Variants in RTEL1 observed in about 807,000 individuals in gnomAD.
RTEL1 encodes the protein regulator of telomere elongation helicase 1, also known as regulator of telomere length.
In RTEL1, 86 loss-of-function variants were observed where a neutral mutation model predicts 162.2. The ratio of observed to expected loss-of-function variants is 0.53; its 90% CI spans 0.45 to 0.63. The LOEUF is 0.63. Among genes scored for constraint, RTEL1 ranks in the 30% least tolerant of loss-of-function variants. The probability of loss-of-function intolerance (pLI) is 0.00; values close to 1 mark genes in which losing one functional copy is unlikely to be tolerated. For synonymous variants in RTEL1, 958 were observed against 717.9 expected (o/e 1.33, Z -5.35); for missense variants, 1,941 against 1,750.2 (o/e 1.11, Z -1.95).
In RTEL1 at chr20:63,694,819, ACCTGGCTGAT is replaced by A; in HGVS notation, c.3189_3198del (p.Tyr1063Ter). On this transcript the variant is annotated frameshift_variant, in exon 32 of 35. Coordinates refer to ENST00000360203, the MANE Select transcript of RTEL1 (RefSeq NM_001283009.2). LOFTEE classifies it high-confidence loss of function. ...CAGGGCCAGCACGCCGTGAGCGCCT[ACCTGGCTGAT>A]GCCCGCAGGGCCCTGGGGTCCGCGG... The A allele has an allele frequency of 6.2e-7, 1 of 1,612,498 alleles. No homozygotes were observed. Among genetic ancestry groups the A allele is most frequent in the Non-Finnish European group, 8.5e-7 (1 of 1,179,790 alleles).
In RTEL1 at chr20:63,693,190, G is replaced by A. The variant is rs149537474; in HGVS notation, c.2899G>A (p.Val967Ile). ...RPHHKQQFEE[V>I]CIQLTGRGCG... The stretch of plus-strand genomic sequence containing the variant: ...CCACCATAAGCAGCAGTTTGAGGAG[G>A]TCTGTATCCAGCTGACAGGACGAGG... Residue 967 changes from valine (V) to isoleucine (I), a missense_variant, in exon 30 of 35, where the codon GTC becomes ATC. Coordinates refer to ENST00000360203, the MANE Select transcript of RTEL1 (RefSeq NM_001283009.2). 14 of 1,612,208 alleles carry A rather than the reference G, an allele frequency of 8.7e-6. No homozygotes were observed. Among genetic ancestry groups the A allele is most frequent in the Non-Finnish European group, 1.2e-5 (14 of 1,179,554 alleles).
Position 63,688,367 on chromosome 20 carries a change from A to G in RTEL1, c.1703A>G (p.Lys568Arg). The change falls in exon 20 of 35, where the codon AAG becomes AGG. Residue 568 changes from lysine to arginine, a missense_variant. By Grantham distance (26) the Lys-to-Arg change is conservative. Transcript: ENST00000360203. ...IFFPSYPVME[K>R]SLEFWRARDL... ...TTCCCTTCCTATCCTGTCATGGAGAAGAGCCTGGAGTTCTGGCGGGTGCGT... is the reference window on the plus strand; with the variant it reads ...TTCCCTTCCTATCCTGTCATGGAGAGGAGCCTGGAGTTCTGGCGGGTGCGT... 1 of 1,612,640 alleles carries G rather than the reference A, an allele frequency of 6.2e-7. No homozygotes were observed. Among genetic ancestry groups the G allele is most frequent in the South Asian group, 1.1e-5 (1 of 91,084 alleles).
At chr20:63,666,676 C>T (rs1176364004) in intron 7 of RTEL1, among the ~76,000 whole-genome samples, 1 of 151,994 alleles carries the variant, frequency 6.6e-6, no homozygotes, top group East Asian at 1.9e-4. Flanking sequence ...GCCGGGACTG[C>T]AGGCACACAC....
intron 14 of RTEL1, among the ~76,000 whole-genome samples, 194 bp from the exon 15 acceptor site, chr20:63,685,329 G>A (rs981671825): frequency 8.5e-5 from 13 of 152,190 alleles, no homozygotes; most frequent in Admixed American, 2.0e-4. Flanking sequence ...AGAGCTCACC[G>A]GGGGTCCCTG....
chr20:63,659,615 A>G (rs1360792521), intron 2 of RTEL1, 111 bp downstream of exon 2: 7 of 796,272 alleles, frequency 8.8e-6, no homozygotes, highest in South Asian at 1.4e-5. Context: ...GGCCAGAGGC[A>G]GCGTCTGTCA....
intron 30 of RTEL1, 67 bp from the exon 31 acceptor site, chr20:63,694,305 C>A (rs781519719): frequency 6.8e-6 from 4 of 587,534 alleles, no homozygotes; most frequent in East Asian, 4.0e-5. Context: ...GCCAGCCCTG[C>A]CCCCCCACCC....
intron 14 of RTEL1, 78 bp from the exon 15 acceptor site, chr20:63,685,443 CTT>C: frequency 7.0e-7 from 1 of 1,435,942 alleles, no homozygotes; most frequent in Non-Finnish European, 9.6e-7. Flanking sequence ...GTCCTGTGAC[CTT>C]CTGTGTATGC....
chr20:63,665,380 C>A, intron 6 of RTEL1: 1 of 152,842 alleles, frequency 6.5e-6, no homozygotes, highest in East Asian at 1.9e-4. Flanking sequence ...ACTGTAGAGG[C>A]AAGGGAGGGG....
At chr20:63,667,905 C>T (rs962221934) in intron 8 of RTEL1, among the ~76,000 whole-genome samples, 1 of 152,034 alleles carries the variant, frequency 6.6e-6, no homozygotes. Context: ...CCCACTGACT[C>T]CCCTCTTCCC....
In RTEL1 at chr20:63,667,616, C is replaced by T. The variant is rs745588267; in HGVS notation, c.699+63C>T. ...CCAGGGGTGTCCCTGGGCTTGGGAA[C>T]AGCTGTCCGAGCCTTTGCTGCTTCA... On this transcript the variant is annotated intron_variant, in intron 8 of 34. Transcript: ENST00000360203. The T allele has an allele frequency of 2.1e-5, 28 of 1,347,138 alleles. No individual in the cohort carries two copies. In the African/African-American group the frequency reaches 3.6e-4, roughly 17 times the overall value. 83.4% of individuals were successfully genotyped at this position (1,347,138 alleles called of 1,614,324 possible).
intron 7 of RTEL1, among the ~76,000 whole-genome samples, chr20:63,666,530 G>A (rs1441023331): frequency 6.6e-6 from 1 of 152,188 alleles, no homozygotes; most frequent in Non-Finnish European, 1.5e-5. Flanking sequence ...TATTGAGGGG[G>A]AAACCTCCCT....
At position 63,695,996 on chromosome 20, in the gene RTEL1, G is replaced by A; in HGVS notation, c.*138G>A. ...GCCCGCTGCAGGCCTCAGGCAGGCG[G>A]GGCCCATGGTTGGTCCCTGCGGTGG... On this transcript the variant is annotated 3_prime_UTR_variant, in exon 35 of 35. Coordinates refer to ENST00000360203, the MANE Select transcript of RTEL1 (RefSeq NM_001283009.2). The A allele has an allele frequency of 1.2e-6, 1 of 852,466 alleles. No individual in the cohort carries two copies. The highest frequency in any genetic ancestry group is 1.8e-6 in the Non-Finnish European group (1 of 557,822). The allele number at this position is 852,466 out of a possible 1,614,324, so 52.8% of individuals were successfully genotyped here. A position where few individuals can be genotyped will look rare whatever the true frequency, so the allele number is the denominator to read the frequency against.
Position 63,689,827 on chromosome 20 carries a change from C to T in RTEL1, c.2103C>T (p.His701=), listed in dbSNP as rs1385950140. 4.3e-6 allele frequency: 7 copies of T among 1,611,596 alleles called. No homozygotes were observed. The highest frequency in any genetic ancestry group is 2.2e-5 in the South Asian group (2 of 91,076). The change falls in exon 24 of 35, where the codon CAC becomes CAT. Residue 701 remains histidine (H), a synonymous_variant. Transcript: ENST00000360203. ...VNQAIGRVIR[H]RQDYGAVFLC... ...AGGCCATCGGGCGAGTGATCCGGCA[C>T]CGCCAGGACTACGGAGCTGTCTTCC...
rs146459554 is a variant in RTEL1, at chr20:63,687,798, G to A, written c.1481+28G>A. ...ACGGGCCACCCCTGCCAGGGCCTGA[G>A]CACCGGTGACACCTCTGACATCAGC... On this transcript the variant is annotated intron_variant, in intron 17 of 34. Transcript: ENST00000360203. 2.6e-6 allele frequency: 4 copies of A among 1,557,014 alleles called. No individual in the cohort carries two copies. The South Asian group carries it at 4.7e-5, about 18-fold the overall frequency.
Position 63,695,092 on chromosome 20 carries a change from C to T in RTEL1, c.3370C>T (p.His1124Tyr), listed in dbSNP as rs2090940921. Residue 1124 changes from histidine to tyrosine, a missense_variant, in exon 33 of 35, where the codon CAC (histidine) becomes TAC (tyrosine). Physicochemically the swap from His to Tyr is moderately conservative, Grantham distance 83. Coordinates refer to ENST00000360203, the MANE Select transcript of RTEL1 (RefSeq NM_001283009.2). ...HRFSMFVRPHHKQRFSQTCTD... is the reference protein window; with the variant it reads ...HRFSMFVRPHYKQRFSQTCTD... The stretch of plus-strand genomic sequence containing the variant: ...GTTCAGCATGTTTGTGCGTCCACAC[C>T]ACAAGCAGCGCTTCTCACAGACGTG... 2 of 1,612,258 alleles carry T rather than the reference C, an allele frequency of 1.2e-6. No individual in the cohort carries two copies. Among genetic ancestry groups the T allele is most frequent in the Non-Finnish European group, 8.5e-7 (1 of 1,179,884 alleles).
intron 24 of RTEL1, 91 bp downstream of exon 24, chr20:63,689,956 T>A: frequency 6.4e-7 from 1 of 1,551,162 alleles, no homozygotes; most frequent in Non-Finnish European, 8.8e-7. Flanking sequence ...TGAGGCCCCG[T>A]CTCCTCCAGA....
At chr20:63,667,051 G>C (rs11696198) in intron 7 of RTEL1, among the ~76,000 whole-genome samples, 1 of 150,788 alleles carries the variant, frequency 6.6e-6, no homozygotes, top group African/African-American at 2.4e-5. Context: ...GTGTTAGCCA[G>C]GATGGTCTCG....
In RTEL1 at chr20:63,688,160, C is replaced by T; in HGVS notation, c.1617C>T (p.Ser539=). 1 of 1,612,370 alleles carries T rather than the reference C, an allele frequency of 6.2e-7. No individual in the cohort carries two copies. The highest frequency in any genetic ancestry group is 8.5e-7 in the Non-Finnish European group (1 of 1,179,972). Residue 539 remains serine (S), a synonymous_variant, in exon 19 of 35, where the codon TCC becomes TCT. Coordinates refer to ENST00000360203, the MANE Select transcript of RTEL1 (RefSeq NM_001283009.2). ...FDRRFSEECL[S]SLGKALGNIA... is the part of the protein sequence containing the mutation. ...CTAGGTTTTCCGAGGAGTGCTTATC[C>T]TCCCTGGGGAAGGCTCTGGGTGAGT...
At chr20:63,685,920 C>T (rs377136431) in intron 16 of RTEL1, 48 bp downstream of exon 16, 55 of 1,549,206 alleles carry the variant, frequency 3.6e-5, no homozygotes, top group East Asian at 1.4e-4. Context: ...GTGCAGTGCC[C>T]GGCACCACCA....
Sources: allele counts gnomAD v4.1 joint callset (sites outside exome capture counted in the v4.1 genomes callset), GRCh38; gene constraint gnomAD v4.1.1; transcripts MANE v1.5; gene names NCBI Gene and HGNC (gene_info 2026-07-23, HGNC 2026-07-21).